Variants in TTC34 observed in about 807,000 individuals in gnomAD.
The protein encoded by TTC34 is tetratricopeptide repeat domain 34, also known as tetratricopeptide repeat protein 34.
A neutral mutation model predicts 40.7 loss-of-function variants in TTC34; 44 were observed. The ratio of observed to expected loss-of-function variants is 1.08; its 90% CI spans 0.85 to 1.39. The LOEUF is 1.39. Ranked by LOEUF, TTC34 falls within the 40% of genes most tolerant of loss-of-function variation. TTC34 has a pLI of 0.00. For missense variants in TTC34, 884 were observed against 838.0 expected (o/e 1.05, Z -0.68); for synonymous variants, 422 against 398.6 (o/e 1.06, Z -0.70).
intron 6 of TTC34, among the ~76,000 whole-genome samples, chr1:2,759,909 C>G (rs1173257908): frequency 8.1e-5 from 10 of 123,788 alleles, no homozygotes; most frequent in Non-Finnish European, 1.0e-4. Context: ...CAGCCTGGAA[C>G]ATCACCCTGC....
rs1643714703 is a variant in TTC34, at chr1:2,796,924, C to T, written c.784+3120G>A. On this transcript the variant is annotated intron_variant, in intron 2 of 8. Transcript: ENST00000401095. The surrounding 1 kb of genome is among the most constrained non-coding windows in gnomAD (Gnocchi z 4.5). ...GAACCTCGGCACCACACGCCCAACG[C>T]ACACTCCTTGTCCTCTCCTTACGGA... Among the ~76,000 whole-genome samples, 1 of 152,196 alleles carries T rather than the reference C, an allele frequency of 6.6e-6. No homozygotes were observed. The highest frequency in any genetic ancestry group is 6.5e-5 in the Admixed American group (1 of 15,280).
At chr1:2,677,935 C>A (rs1181994465) in intron 6 of TTC34, among the ~76,000 whole-genome samples, 8 of 38,394 alleles carry the variant, frequency 2.1e-4, no homozygotes, top group East Asian at 3.3e-3. Flanking sequence ...CCCTGCACCC[C>A]CAGGTGAGCA....
intron 6 of TTC34, among the ~76,000 whole-genome samples, chr1:2,756,989 C>CAA (rs1641528052): frequency 6.7e-6 from 1 of 150,342 alleles, no homozygotes; most frequent in Admixed American, 6.7e-5. Flanking sequence ...ACCCACACGC[C>CAA]CAGGTGAGCC....
intron 6 of TTC34, among the ~76,000 whole-genome samples, chr1:2,753,225 A>G (rs1432960565): frequency 0.012 from 627 of 50,928 alleles, no homozygotes; most frequent in South Asian, 0.023. Context: ...CCCACAGGTG[A>G]GCATCTGACA....
At chr1:2,641,632 A>T (rs1172719437) in exon 9 of TTC34, 1 of 1,534,916 alleles carries the variant, frequency 6.5e-7, no homozygotes, top group Non-Finnish European at 8.7e-7. Context: ...CCGCCGCCTC[A>T]TCCCCCAGGC....
At chr1:2,685,245 T>G (rs1333214456) in intron 6 of TTC34, among the ~76,000 whole-genome samples, 3 of 63,840 alleles carry the variant, frequency 4.7e-5, no homozygotes, top group African/African-American at 1.3e-4. Context: ...ACACCCCAGG[T>G]GAGCATCTGA....
intron 6 of TTC34, among the ~76,000 whole-genome samples, chr1:2,757,301 A>G (rs1641537471): frequency 7.2e-6 from 1 of 139,808 alleles, no homozygotes; most frequent in Non-Finnish European, 1.5e-5. Flanking sequence ...CTGGAACAGC[A>G]CCCACACCCC....
chr1:2,789,914 G>T (rs1018565959), exon 3 of TTC34: 1 of 395,474 alleles, frequency 2.5e-6, no homozygotes, highest in African/African-American at 2.1e-5. Flanking sequence ...GTCCCCCGCA[G>T]GGTCCTCAGG....
intron 6 of TTC34, among the ~76,000 whole-genome samples, chr1:2,682,023 T>C (rs9793942): frequency 2.4e-3 from 111 of 46,326 alleles, no homozygotes; most frequent in African/African-American, 7.7e-3. Context: ...ACAACACCCA[T>C]ACCCACAGGT....
At chr1:2,652,684 A>G (rs1189702847) in intron 6 of TTC34, among the ~76,000 whole-genome samples, 2 of 143,052 alleles carry the variant, frequency 1.4e-5, no homozygotes, top group Non-Finnish European at 3.0e-5. Flanking sequence ...AGCAGCCCAC[A>G]CCCACAGGTG....
intron 6 of TTC34, among the ~76,000 whole-genome samples, chr1:2,681,391 G>A (rs1570799406): frequency 8.9e-6 from 1 of 112,550 alleles, no homozygotes; most frequent in African/African-American, 3.5e-5. Context: ...ACACCCCCAG[G>A]CGAGCATCTG....
In TTC34 at chr1:2,750,762, C is replaced by A. The variant is rs1438250362; in HGVS notation, c.2226+32847G>T. Among the ~76,000 whole-genome samples the A allele has an allele frequency of 6.9e-3, 492 of 71,348 alleles. 101 individuals are homozygous for A. The highest frequency in any genetic ancestry group is 0.054 in the East Asian group (89 of 1,652). The allele number at this position is 71,348 out of a possible 152,430, so 46.8% of individuals were successfully genotyped here. A position where few individuals can be genotyped will look rare whatever the true frequency, so the allele number is the denominator to read the frequency against. The stretch of plus-strand genomic sequence containing the variant: ...GCATCTGATGGTCTGGAGCAGCACG[C>A]ATAAACACAGGTGAACATCGGAGAG... On this transcript the variant is annotated intron_variant, in intron 6 of 8. Coordinates refer to ENST00000401095, the Ensembl canonical transcript of TTC34.
chr1:2,695,193 A>C (rs1640806258), intron 6 of TTC34, among the ~76,000 whole-genome samples: 1 of 71,370 alleles, frequency 1.4e-5, no homozygotes, highest in African/African-American at 5.3e-5. Flanking sequence ...CAGCACCCAT[A>C]CGCCCAGATG....
chr1:2,644,141 C>G (rs1638969908), intron 8 of TTC34, 123 bp downstream of exon 8: 1 of 1,095,128 alleles, frequency 9.1e-7, no homozygotes, highest in Admixed American at 2.4e-5. Context: ...CCACCCCAAA[C>G]CTAACTGAAA....
chr1:2,641,289 G>A, exon 9 of TTC34: 1 of 1,419,264 alleles, frequency 7.0e-7, no homozygotes, highest in East Asian at 2.5e-5. Flanking sequence ...TAGGGAGCTG[G>A]GTACACCCCT....
chr1:2,750,091 T>C (rs1641266056), intron 6 of TTC34, among the ~76,000 whole-genome samples: 1 of 107,006 alleles, frequency 9.3e-6, no homozygotes, highest in Non-Finnish European at 1.9e-5. Flanking sequence ...ACACCCCCAG[T>C]GAGCATCTGA....
At chr1:2,798,029 C>T (rs566218495) in intron 2 of TTC34, among the ~76,000 whole-genome samples, 1 of 151,998 alleles carries the variant, frequency 6.6e-6, no homozygotes, top group Non-Finnish European at 1.5e-5. Flanking sequence ...AGCATCCAAG[C>T]CTCCCAGTCT....
chr1:2,765,755 C>G (rs1172276588), intron 6 of TTC34, among the ~76,000 whole-genome samples: 3 of 45,100 alleles, frequency 6.7e-5, no homozygotes, highest in African/African-American at 4.7e-4. Context: ...AGCGCCCACA[C>G]CCCCAGGTGA....
intron 6 of TTC34, among the ~76,000 whole-genome samples, chr1:2,656,403 A>G (rs1477779779): frequency 1.3e-4 from 3 of 23,062 alleles, no homozygotes; most frequent in Non-Finnish European, 1.7e-4. Flanking sequence ...ACAGCATGTA[A>G]CAGCACCCAC....
Sources: gnomAD v4.1 joint callset for allele counts (sites outside exome capture counted in the v4.1 genomes callset) on GRCh38, gnomAD v4.1.1 for gene constraint, Gnocchi (gnomAD v3.1) non-coding constraint, MANE v1.5 for transcripts, NCBI Gene and HGNC (gene_info 2026-07-23, HGNC 2026-07-21) for gene names.